The following FHIT variants were observed in gnomAD, a reference collection of about 807,000 sequenced individuals.
FHIT encodes the protein fragile histidine triad diadenosine triphosphatase, also known as bis(5'-adenosyl)-triphosphatase.
A neutral mutation model predicts 17.9 loss-of-function variants in FHIT; 19 were observed. The observed-to-expected ratio is 1.06, with a 90% confidence interval of 0.74 to 1.56. The LOEUF (loss-of-function observed/expected upper bound fraction) is 1.56. Ranked by LOEUF, FHIT falls within the 40% of genes most tolerant of loss-of-function variation. The pLI is 0.00. For missense variants in FHIT, 248 were observed against 189.2 expected, an observed-to-expected ratio of 1.31 and a Z score of -1.82; for synonymous variants, 81 against 69.7, an observed-to-expected ratio of 1.16 and a Z score of -0.81.
intron 1 of FHIT, among the ~76,000 whole-genome samples, chr3:61,200,880 G>A (rs1375265679): frequency 6.6e-6 from 1 of 152,170 alleles, no homozygotes; most frequent in Non-Finnish European, 1.5e-5. Flanking sequence ...CAGAATTGAA[G>A]CACACAAACC....
At chr3:60,259,720 T>C (rs1257223423) in intron 5 of FHIT, among the ~76,000 whole-genome samples, 4 of 152,050 alleles carry the variant, frequency 2.6e-5, no homozygotes, top group South Asian at 4.1e-4. Flanking sequence ...AGACAGTAAG[T>C]AGCTAGGCTG....
intron 5 of FHIT, among the ~76,000 whole-genome samples, chr3:60,066,791 G>C (rs891304833): frequency 1.3e-5 from 2 of 151,646 alleles, no homozygotes; most frequent in Non-Finnish European, 2.9e-5. Context: ...CGAGTAGCTG[G>C]AACAACAGGC....
chr3:60,098,490 G>A (rs1013523235), intron 5 of FHIT, among the ~76,000 whole-genome samples: 1 of 151,874 alleles, frequency 6.6e-6, no homozygotes, highest in African/African-American at 2.4e-5. Flanking sequence ...TTTTTCATGT[G>A]TTTTTTGGCT....
At chr3:59,949,502 G>T (rs760216359) in intron 7 of FHIT, among the ~76,000 whole-genome samples, 1 of 152,166 alleles carries the variant, frequency 6.6e-6, no homozygotes, top group South Asian at 2.1e-4. Context: ...CAAAAGCCAC[G>T]GTTACCATGG....
chr3:61,124,826 G>A (rs1371393418), intron 2 of FHIT, among the ~76,000 whole-genome samples: 5 of 152,138 alleles, frequency 3.3e-5, no homozygotes, highest in African/African-American at 1.2e-4. Context: ...TAGTAAATGT[G>A]ATTTTTTAAA....
chr3:61,216,021 A>G (rs1355965436), intron 1 of FHIT, among the ~76,000 whole-genome samples: 2 of 152,156 alleles, frequency 1.3e-5, no homozygotes, highest in African/African-American at 4.8e-5. Context: ...TAAACATTAG[A>G]CCTAAAACCA....
intron 1 of FHIT, among the ~76,000 whole-genome samples, chr3:61,204,502 T>C (rs775753690): frequency 6.6e-6 from 1 of 152,118 alleles, no homozygotes; most frequent in African/African-American, 2.4e-5. Context: ...CGATTCTCTA[T>C]ACAACATTGA....
chr3:61,224,005 C>T (rs530847624), intron 1 of FHIT, among the ~76,000 whole-genome samples: 1 of 152,320 alleles, frequency 6.6e-6, no homozygotes, highest in African/African-American at 2.4e-5. Flanking sequence ...CCAAAGCACA[C>T]TGGGTGAAAT....
chr3:61,116,645 G>A (rs781760316), intron 2 of FHIT, among the ~76,000 whole-genome samples: 4 of 151,822 alleles, frequency 2.6e-5, no homozygotes, highest in African/African-American at 4.8e-5. Flanking sequence ...TAGTATGAGA[G>A]AGGTATCAAT....
intron 4 of FHIT, among the ~76,000 whole-genome samples, chr3:60,678,011 G>A (rs1466076902): frequency 3.3e-5 from 5 of 151,950 alleles, no homozygotes; most frequent in African/African-American, 7.2e-5. Context: ...CATTTGTAAT[G>A]TCTTCTTTTT....
chr3:60,842,594 A>AATGAGTGTATATATATATACATATATAT (rs371281497), intron 3 of FHIT, among the ~76,000 whole-genome samples: 1 of 141,368 alleles, frequency 7.1e-6, no homozygotes, highest in African/African-American at 2.7e-5. Context: ...AGAGAAATTA[A>AATGAGTGTATATATATATACATATATAT]ATGAGTGTAT....
chr3:60,405,714 G>A (rs1559887536), intron 5 of FHIT, among the ~76,000 whole-genome samples: 1 of 152,146 alleles, frequency 6.6e-6, no homozygotes. Context: ...AGCAAAGTTG[G>A]GAGACATTTT....
At chr3:61,211,772 G>T (rs1207976076) in intron 1 of FHIT, among the ~76,000 whole-genome samples, 3 of 152,184 alleles carry the variant, frequency 2.0e-5, no homozygotes, top group Non-Finnish European at 4.4e-5. Context: ...GGGGCTGACT[G>T]ACACCTCACA....
chr3:60,878,349 G>T (rs1431863620), intron 3 of FHIT, among the ~76,000 whole-genome samples: 1 of 152,038 alleles, frequency 6.6e-6, no homozygotes, highest in Non-Finnish European at 1.5e-5. Flanking sequence ...GGAACTCAAA[G>T]CAATGGAACT....
intron 4 of FHIT, among the ~76,000 whole-genome samples, chr3:60,588,452 G>A (rs1348500391): frequency 1.3e-5 from 2 of 151,660 alleles, no homozygotes; most frequent in Admixed American, 6.6e-5. Context: ...AGAAAGAGAG[G>A]GGAAGGAGAA....
chr3:60,716,620 T>C (rs1483245119), intron 4 of FHIT, among the ~76,000 whole-genome samples: 1 of 152,162 alleles, frequency 6.6e-6, no homozygotes, highest in Non-Finnish European at 1.5e-5. Flanking sequence ...AGTTAACTGT[T>C]CTTTAATAAG....
intron 5 of FHIT, among the ~76,000 whole-genome samples, chr3:60,226,483 A>G (rs975128560): frequency 6.6e-6 from 1 of 151,160 alleles, no homozygotes; most frequent in Admixed American, 6.6e-5. Flanking sequence ...AAAAAAAAAA[A>G]AAAAAAAAAA....
intron 1 of FHIT, among the ~76,000 whole-genome samples, chr3:61,246,059 C>T (rs1576290689): frequency 6.6e-6 from 1 of 152,298 alleles, no homozygotes; most frequent in South Asian, 2.1e-4. Flanking sequence ...GACCTCTGGT[C>T]GTCCTCACTG....
At chr3:60,634,060 CT>C (rs1217874741) in intron 4 of FHIT, among the ~76,000 whole-genome samples, 1 of 152,210 alleles carries the variant, frequency 6.6e-6, no homozygotes, top group Non-Finnish European at 1.5e-5. Flanking sequence ...TAACATGAGC[CT>C]GTTTCACGTT....
Sources: allele counts gnomAD v4.1 joint callset (sites outside exome capture counted in the v4.1 genomes callset), GRCh38; gene constraint gnomAD v4.1.1; transcripts MANE v1.5; gene names NCBI Gene and HGNC (gene_info 2026-07-23, HGNC 2026-07-21).